The following CAPZB variants were observed in gnomAD, a reference collection of about 807,000 sequenced individuals.
The protein encoded by CAPZB is capping actin protein of muscle Z-line subunit beta, also known as F-actin-capping protein subunit beta.
A neutral mutation model predicts 38.1 loss-of-function variants in CAPZB; 2 were observed. The observed-to-expected ratio is 0.05, with a 90% CI of 0.02 to 0.17. The LOEUF is 0.17. CAPZB is among the 10% of genes least tolerant of loss of function. The probability of loss-of-function intolerance (pLI) is 1.00; values close to 1 mark genes in which losing one functional copy is unlikely to be tolerated. For missense variants in CAPZB, 161 were observed against 334.2 expected (o/e 0.48, Z 4.04); for synonymous variants, 107 against 127.4 (o/e 0.84, Z 1.08).
intron 2 of CAPZB, among the ~76,000 whole-genome samples, chr1:19,399,100 C>T (rs946190687): frequency 1.3e-5 from 2 of 152,014 alleles, no homozygotes; most frequent in African/African-American, 2.4e-5. Context: ...TCAAGTGATC[C>T]GCCTGTCTTG....
intron 1 of CAPZB, among the ~76,000 whole-genome samples, chr1:19,444,054 G>T (rs939826798): frequency 2.6e-5 from 4 of 152,072 alleles, no homozygotes; most frequent in Admixed American, 6.6e-5. Context: ...GCTACTCAGG[G>T]GGCTGAGGCA....
At chr1:19,475,581 C>T (rs2094604073) in intron 1 of CAPZB, among the ~76,000 whole-genome samples, 1 of 152,188 alleles carries the variant, frequency 6.6e-6, no homozygotes, top group Non-Finnish European at 1.5e-5. Flanking sequence ...CCGCTCGGCT[C>T]CTCTGTTCTC....
At position 19,385,600 on chromosome 1, in the gene CAPZB, C is replaced by T; in HGVS notation, c.120G>A (p.Leu40=). The part of the protein sequence containing the change: ...DLVPSLCEDL[L]SSVDQPLKIA... The stretch of plus-strand genomic sequence containing the variant: ...TTTTCAGTGGCTGGTCAACAGAAGA[C>T]AGGAGATCCTCACATAGACTGGGGA... The change falls in exon 3 of 9, where the codon CTG becomes CTA. Residue 40 remains leucine, a synonymous_variant. Coordinates refer to ENST00000264202, the MANE Select transcript of CAPZB (RefSeq NM_004930.5). 6.2e-7 allele frequency: 1 copy of T among 1,614,176 alleles called. No individual in the cohort carries two copies. The highest frequency in any genetic ancestry group is 8.5e-7 in the Non-Finnish European group (1 of 1,180,020).
intron 1 of CAPZB, among the ~76,000 whole-genome samples, chr1:19,440,174 G>T (rs1011208902): frequency 6.6e-6 from 1 of 152,080 alleles, no homozygotes; most frequent in Non-Finnish European, 1.5e-5. Flanking sequence ...CTGAAGCAGG[G>T]TCTTGCTTGC....
Position 19,378,630 on chromosome 1 carries a change from T to A in CAPZB, c.239A>T (p.Asp80Val). 1.2e-6 allele frequency: 2 copies of A among 1,608,570 alleles called. No homozygotes were observed. The highest frequency in any genetic ancestry group is 1.7e-6 in the Non-Finnish European group (2 of 1,175,198). The change falls in exon 4 of 9, where the codon GAC becomes GTC. Residue 80 changes from aspartate to valine, a missense_variant. Transcript: ENST00000264202. Reference protein sequence around the residue: ...SYRSPWSNKYDPPLEDGAMPS... With the variant: ...SYRSPWSNKYVPPLEDGAMPS... ...CATGGCCCCATCCTCCAAGGGAGGG[T>A]CATACTTGTTACTCCATGGTGACCT...
At chr1:19,378,964 A>G (rs2094158127) in intron 3 of CAPZB, among the ~76,000 whole-genome samples, 1 of 152,178 alleles carries the variant, frequency 6.6e-6, no homozygotes, top group Admixed American at 6.5e-5. Context: ...CTCCGCACAC[A>G]GGGTCGTCAT....
chr1:19,363,689 G>A (rs1346959543), intron 4 of CAPZB, among the ~76,000 whole-genome samples: 1 of 152,128 alleles, frequency 6.6e-6, no homozygotes, highest in Admixed American at 6.5e-5. Context: ...AAACGTGCTC[G>A]GGGAATCTGA....
At chr1:19,340,496 T>G (rs979646832) in intron 8 of CAPZB, among the ~76,000 whole-genome samples, 11 of 152,302 alleles carry the variant, frequency 7.2e-5, no homozygotes, top group Admixed American at 7.2e-4. Context: ...CTTTCACATA[T>G]ATTATCTCAT....
intron 2 of CAPZB, among the ~76,000 whole-genome samples, chr1:19,392,145 T>C (rs1024166670): frequency 1.0e-4 from 15 of 150,684 alleles, no homozygotes; most frequent in Non-Finnish European, 1.8e-4. Context: ...ACTGTGTCAC[T>C]GCACTGTAGC....
intron 1 of CAPZB, among the ~76,000 whole-genome samples, chr1:19,429,084 G>A (rs1416076981): frequency 6.6e-6 from 1 of 152,174 alleles, no homozygotes; most frequent in African/African-American, 2.4e-5. Context: ...ACAATGCAAT[G>A]AACACAGCTA....
chr1:19,446,290 G>C (rs757684802), intron 1 of CAPZB, among the ~76,000 whole-genome samples: 3 of 151,614 alleles, frequency 2.0e-5, no homozygotes, highest in Non-Finnish European at 4.4e-5. Context: ...ACAGAAACTT[G>C]AAAACCACCC....
At chr1:19,453,553 C>T (rs1313835796) in intron 1 of CAPZB, among the ~76,000 whole-genome samples, 2 of 152,168 alleles carry the variant, frequency 1.3e-5, no homozygotes, top group African/African-American at 2.4e-5. Flanking sequence ...GAGCCACTGC[C>T]CCTGGCCACC....
intron 6 of CAPZB, among the ~76,000 whole-genome samples, chr1:19,348,767 G>C (rs1030742379): frequency 6.5e-4 from 88 of 136,098 alleles, no homozygotes; most frequent in Admixed American, 2.2e-3. Flanking sequence ...CAAGGGGGGG[G>C]GGCGGTCTAG....
chr1:19,383,757 A>T (rs1322019586), intron 3 of CAPZB, among the ~76,000 whole-genome samples: 1 of 151,940 alleles, frequency 6.6e-6, no homozygotes, highest in Non-Finnish European at 1.5e-5. Flanking sequence ...CTCCACTTTG[A>T]TCTAATGGGC....
At chr1:19,443,754 C>T (rs1174534136) in intron 1 of CAPZB, among the ~76,000 whole-genome samples, 1 of 152,212 alleles carries the variant, frequency 6.6e-6, no homozygotes, top group African/African-American at 2.4e-5. Flanking sequence ...CTGGGCAAGG[C>T]CGCCTGGCAG....
intron 6 of CAPZB, among the ~76,000 whole-genome samples, chr1:19,347,782 C>A (rs965977042): frequency 1.3e-5 from 2 of 152,152 alleles, no homozygotes; most frequent in Non-Finnish European, 2.9e-5. Flanking sequence ...CGGCAGCCAC[C>A]TTTTTCCATC....
At chr1:19,442,840 T>C (rs969858544) in intron 1 of CAPZB, among the ~76,000 whole-genome samples, 5 of 152,148 alleles carry the variant, frequency 3.3e-5, no homozygotes, top group African/African-American at 1.2e-4. Context: ...AAAGTTCCGT[T>C]GCTCCTGCCT....
intron 1 of CAPZB, chr1:19,424,415 G>A (rs12031691): frequency 6.6e-5 from 10 of 152,000 alleles, no homozygotes; most frequent in African/African-American, 2.4e-4. Flanking sequence ...CTGTAGTTCC[G>A]GCTACTCGGG....
intron 1 of CAPZB, among the ~76,000 whole-genome samples, chr1:19,423,124 C>T (rs1045863376): frequency 6.6e-6 from 1 of 152,176 alleles, no homozygotes; most frequent in Non-Finnish European, 1.5e-5. Context: ...GGATCTGACT[C>T]ATATTTTGCA....
Sources: allele counts gnomAD v4.1 joint callset (sites outside exome capture counted in the v4.1 genomes callset), GRCh38; gene constraint gnomAD v4.1.1; transcripts MANE v1.5; gene names NCBI Gene and HGNC (gene_info 2026-07-23, HGNC 2026-07-21).